Variants in TMEM135 observed in about 807,000 individuals in gnomAD.
TMEM135 encodes the protein peroxisomal membrane protein 52.
TMEM135 carries 30 observed loss-of-function variants against 60.3 expected under a neutral mutation model. The ratio of observed to expected loss-of-function variants is 0.50; its 90% confidence interval spans 0.37 to 0.68. TMEM135 has a LOEUF of 0.68. TMEM135 is among the 30% of genes least tolerant of loss of function. The probability of loss-of-function intolerance (pLI) is 0.00; values close to 1 mark genes in which losing one functional copy is unlikely to be tolerated. For synonymous variants in TMEM135, 190 were observed against 186.7 expected, an observed-to-expected ratio of 1.02 and a Z score of -0.14; for missense variants, 468 against 548.8, an observed-to-expected ratio of 0.85 and a Z score of 1.47.
intron 5 of TMEM135, among the ~76,000 whole-genome samples, chr11:87,168,871 G>C (rs1939144290): frequency 6.6e-6 from 1 of 152,098 alleles, no homozygotes; most frequent in South Asian, 2.1e-4. Context: ...TTAATTTTCT[G>C]TCTCGTTGAT....
chr11:87,121,774 G>A (rs1334414283), intron 4 of TMEM135, among the ~76,000 whole-genome samples: 1 of 151,060 alleles, frequency 6.6e-6, no homozygotes, highest in East Asian at 2.0e-4. Flanking sequence ...TGAGTAGCAG[G>A]GACTACAGGT....
At chr11:87,272,428 C>T (rs1941886908) in intron 6 of TMEM135, among the ~76,000 whole-genome samples, 1 of 151,940 alleles carries the variant, frequency 6.6e-6, no homozygotes, top group South Asian at 2.1e-4. Context: ...CCTTTCTAGT[C>T]TCAGCACTGT....
At chr11:87,175,011 G>C (rs1335362698) in intron 5 of TMEM135, among the ~76,000 whole-genome samples, 1 of 152,106 alleles carries the variant, frequency 6.6e-6, no homozygotes, top group East Asian at 1.9e-4. Flanking sequence ...ATTAAAAAAG[G>C]CTTCAAGAAG....
At chr11:87,207,594 A>C (rs996905170) in intron 5 of TMEM135, among the ~76,000 whole-genome samples, 1 of 152,218 alleles carries the variant, frequency 6.6e-6, no homozygotes, top group East Asian at 1.9e-4. Context: ...TGCTAAATGC[A>C]TGATATTCAT....
chr11:87,192,661 G>A (rs1387829472), intron 5 of TMEM135, among the ~76,000 whole-genome samples: 2 of 151,658 alleles, frequency 1.3e-5, no homozygotes, highest in East Asian at 3.9e-4. Flanking sequence ...AGAGAAATAA[G>A]CTTTATTCCA....
chr11:87,083,531 A>G (rs868594575), intron 3 of TMEM135, among the ~76,000 whole-genome samples: 1 of 152,216 alleles, frequency 6.6e-6, no homozygotes, highest in Admixed American at 6.5e-5. Context: ...AAATTGCACT[A>G]TAGTACTTAT....
intron 6 of TMEM135, among the ~76,000 whole-genome samples, chr11:87,255,217 G>T (rs761933903): frequency 6.6e-6 from 1 of 152,148 alleles, no homozygotes; most frequent in Non-Finnish European, 1.5e-5. Flanking sequence ...GCAGGTAGGG[G>T]TCGGAAGAAG....
intron 10 of TMEM135, among the ~76,000 whole-genome samples, chr11:87,312,092 T>TAC (rs1942648832): frequency 6.6e-6 from 1 of 151,604 alleles, no homozygotes; most frequent in African/African-American, 2.4e-5. Flanking sequence ...TATGTGTAAA[T>TAC]ATATATAGTT....
chr11:87,278,743 A>G (rs1490776623), intron 6 of TMEM135, among the ~76,000 whole-genome samples: 1 of 152,184 alleles, frequency 6.6e-6, no homozygotes, highest in Non-Finnish European at 1.5e-5. Flanking sequence ...AGTATACTCT[A>G]TGAGTTCTAT....
At chr11:87,045,991 G>C (rs937574877) in intron 1 of TMEM135, among the ~76,000 whole-genome samples, 4 of 152,198 alleles carry the variant, frequency 2.6e-5, no homozygotes, top group Non-Finnish European at 5.9e-5. Context: ...CTTACATTGA[G>C]TTTATAGTTT....
chr11:87,292,222 C>A (rs1942277986), intron 6 of TMEM135, among the ~76,000 whole-genome samples: 1 of 152,202 alleles, frequency 6.6e-6, no homozygotes, highest in Admixed American at 6.5e-5. Flanking sequence ...CTCCCCTTAT[C>A]TTGGAGGTTT....
chr11:87,062,749 A>G (rs1023425485), intron 1 of TMEM135, among the ~76,000 whole-genome samples: 2 of 152,108 alleles, frequency 1.3e-5, no homozygotes, highest in Non-Finnish European at 2.9e-5. Flanking sequence ...AGCGTGAGCC[A>G]CTGCACTCGG....
intron 6 of TMEM135, among the ~76,000 whole-genome samples, chr11:87,245,127 G>C (rs1429684385): frequency 2.8e-5 from 4 of 140,756 alleles, no homozygotes; most frequent in African/African-American, 1.1e-4. Flanking sequence ...TCATTCAGGA[G>C]CAGGTTGTTC....
chr11:87,272,059 T>C (rs1395981827), intron 6 of TMEM135, among the ~76,000 whole-genome samples: 8 of 147,772 alleles, frequency 5.4e-5, no homozygotes, highest in East Asian at 3.9e-4. Context: ...TTCTTTTTTT[T>C]TTTTTTTTTT....
rs554485748 is a variant in TMEM135, at chr11:87,054,837, G to A, written c.142-12857G>A. 2.0e-4 allele frequency among the ~76,000 whole-genome samples: 30 copies of A among 152,156 alleles called. No homozygotes were observed. In the South Asian group the frequency reaches 6.0e-3, roughly 31 times the overall value. The stretch of plus-strand genomic sequence containing the variant: ...CGTATGTCAGAAACTCTCAAGCACA[G>A]GAGGCACTGAATTAACCAGAAACAG... On this transcript the variant is annotated intron_variant, in intron 1 of 14. Coordinates refer to ENST00000305494, the MANE Select transcript of TMEM135 (RefSeq NM_022918.4).
At chr11:87,116,426 GAC>G (rs890299341) in intron 4 of TMEM135, among the ~76,000 whole-genome samples, 7 of 152,148 alleles carry the variant, frequency 4.6e-5, no homozygotes, top group African/African-American at 1.7e-4. Flanking sequence ...CAGGACAGCA[GAC>G]ACAATTTATT....
intron 5 of TMEM135, among the ~76,000 whole-genome samples, chr11:87,170,706 C>A (rs1044042796): frequency 6.6e-6 from 1 of 152,078 alleles, no homozygotes; most frequent in Non-Finnish European, 1.5e-5. Flanking sequence ...CTGGAGGTCT[C>A]CTGTATGAGG....
intron 6 of TMEM135, among the ~76,000 whole-genome samples, chr11:87,280,020 G>T (rs976705195): frequency 3.3e-5 from 5 of 152,204 alleles, no homozygotes; most frequent in Non-Finnish European, 5.9e-5. Flanking sequence ...GATATTTTAT[G>T]TAGGCATCTT....
At chr11:87,114,482 A>T (rs1473438170) in intron 4 of TMEM135, among the ~76,000 whole-genome samples, 1 of 152,152 alleles carries the variant, frequency 6.6e-6, no homozygotes, top group Non-Finnish European at 1.5e-5. Context: ...TGATAGTCCA[A>T]ATATGAAACA....
Sources: gnomAD v4.1 joint callset for allele counts (sites outside exome capture counted in the v4.1 genomes callset) on GRCh38, gnomAD v4.1.1 for gene constraint, MANE v1.5 for transcripts, NCBI Gene and HGNC (gene_info 2026-07-23, HGNC 2026-07-21) for gene names.